The following NBAS variants were observed in gnomAD, a reference collection of about 807,000 sequenced individuals.
NBAS encodes the protein NAG/BC035112 fusion.
A neutral mutation model predicts 302.5 loss-of-function variants in NBAS; 219 were observed. The ratio of observed to expected loss-of-function variants is 0.72; its 90% CI spans 0.65 to 0.81. NBAS has a LOEUF of 0.81. Ranked by LOEUF, NBAS falls within the 30% of genes least tolerant of loss-of-function variation. The probability of loss-of-function intolerance (pLI) is 0.00; values close to 1 mark genes in which losing one functional copy is unlikely to be tolerated. For synonymous variants in NBAS, 1,118 were observed against 1,021.6 expected (o/e 1.09, Z -1.80); for missense variants, 2,932 against 2,841.6 (o/e 1.03, Z -0.72).
intron 6 of NBAS, among the ~76,000 whole-genome samples, chr2:15,549,626 A>G (rs750519440): frequency 2.0e-5 from 3 of 152,058 alleles, no homozygotes; most frequent in Non-Finnish European, 2.9e-5. Context: ...CACCTGGGAA[A>G]CGTAGATGGG....
intron 48 of NBAS, among the ~76,000 whole-genome samples, chr2:15,208,665 C>A (rs1384980350): frequency 3.9e-5 from 6 of 151,918 alleles, no homozygotes; most frequent in African/African-American, 1.5e-4. Flanking sequence ...CAAAACAAGT[C>A]TTAAAACATT....
the NBAS span, among the ~76,000 whole-genome samples, chr2:15,156,429 G>A: frequency 2.1e-4 from 32 of 152,276 alleles, no homozygotes; most frequent in African/African-American, 7.7e-4. Context: ...CAAAGTACAC[G>A]AGGCTAGGTA....
intron 28 of NBAS, among the ~76,000 whole-genome samples, chr2:15,384,430 C>T (rs866247471): frequency 1.1e-4 from 16 of 152,046 alleles, no homozygotes; most frequent in African/African-American, 3.9e-4. Flanking sequence ...AGCTAAATTA[C>T]CCATGGATTT....
the NBAS span, among the ~76,000 whole-genome samples, chr2:14,870,896 G>A: frequency 6.6e-6 from 1 of 151,642 alleles, no homozygotes; most frequent in Non-Finnish European, 1.5e-5. Context: ...ATAGAATGAT[G>A]CAATTGTTTA....
At chr2:15,079,051 A>G in the NBAS span, among the ~76,000 whole-genome samples, 1 of 152,130 alleles carries the variant, frequency 6.6e-6, no homozygotes, top group South Asian at 2.1e-4. Flanking sequence ...ATCTCCCCTC[A>G]AGTAGGAAAA....
the NBAS span, among the ~76,000 whole-genome samples, chr2:14,788,769 G>A: frequency 2.1e-3 from 316 of 151,668 alleles, 1 homozygote; most frequent in African/African-American, 6.7e-3. Context: ...TAGGCTGCTC[G>A]GGGGTCAGGG....
intron 11 of NBAS, among the ~76,000 whole-genome samples, chr2:15,498,750 G>A (rs1384509920): frequency 6.8e-6 from 1 of 148,016 alleles, no homozygotes; most frequent in Non-Finnish European, 1.5e-5. Context: ...ATTCGTGCTC[G>A]CTCTCTCTCT....
At chr2:15,398,917 A>C (rs1438665887) in intron 26 of NBAS, among the ~76,000 whole-genome samples, 3 of 152,196 alleles carry the variant, frequency 2.0e-5, no homozygotes, top group Non-Finnish European at 4.4e-5. Flanking sequence ...TTACATCAGA[A>C]ATCATTAATC....
At chr2:14,785,525 A>T in the NBAS span, among the ~76,000 whole-genome samples, 1 of 152,180 alleles carries the variant, frequency 6.6e-6, no homozygotes, top group Non-Finnish European at 1.5e-5. Context: ...AGTTTTTAGC[A>T]TGAAGGGCTG....
At chr2:15,173,961 G>A (rs1665923105) in intron 51 of NBAS, among the ~76,000 whole-genome samples, 1 of 152,152 alleles carries the variant, frequency 6.6e-6, no homozygotes, top group Non-Finnish European at 1.5e-5. Flanking sequence ...TTCATACACA[G>A]TGCCAGGCTG....
chr2:14,989,215 T>A, the NBAS span, among the ~76,000 whole-genome samples: 1 of 152,038 alleles, frequency 6.6e-6, no homozygotes, highest in Admixed American at 6.6e-5. Flanking sequence ...TGAATTGTAA[T>A]ATATCATTTT....
In NBAS at chr2:15,366,596, C is replaced by T; in HGVS notation, c.3801G>A (p.Glu1267=). Residue 1267 remains glutamate (E), a synonymous_variant, in exon 32 of 52, where the codon GAG becomes GAA. Coordinates refer to ENST00000281513, the MANE Select transcript of NBAS (RefSeq NM_015909.4). ...KQSTKLLGLA[E]LLRVAGENPE... is the part of the protein sequence containing the mutation. ...AAGACTTACCTGCAACCCTCAGCAG[C>T]TCAGCAAGGCCCAGAAGCTTGGTGG... 1.2e-6 allele frequency: 2 copies of T among 1,614,066 alleles called. No individual in the cohort carries two copies. Among genetic ancestry groups the T allele is most frequent in the Middle Eastern group, 1.6e-4 (1 of 6,062 alleles).
chr2:15,032,783 G>A, the NBAS span, among the ~76,000 whole-genome samples: 1 of 152,192 alleles, frequency 6.6e-6, no homozygotes, highest in African/African-American at 2.4e-5. Context: ...CAACTGAAAG[G>A]AAGGATCTGA....
chr2:15,186,626 A>T, intron 50 of NBAS, 116 bp downstream of exon 50: 1 of 1,451,632 alleles, frequency 6.9e-7, no homozygotes, highest in Non-Finnish European at 9.6e-7. Context: ...TATGGCCTTT[A>T]CCAGTAATTA....
At chr2:14,994,703 ATCT>A in the NBAS span, among the ~76,000 whole-genome samples, 2 of 152,106 alleles carry the variant, frequency 1.3e-5, no homozygotes, top group Admixed American at 6.5e-5. Flanking sequence ...TCCTTGTCCT[ATCT>A]TCTTTTCCCA....
intron 48 of NBAS, among the ~76,000 whole-genome samples, chr2:15,201,762 T>C (rs79765138): frequency 2.6e-4 from 40 of 152,334 alleles, no homozygotes; most frequent in Non-Finnish European, 4.6e-4. Context: ...CTCCCTTTTC[T>C]ATGGAACTAA....
intron 21 of NBAS, among the ~76,000 whole-genome samples, chr2:15,445,748 G>A (rs75421382): frequency 0.013 from 1,921 of 151,286 alleles, 29 homozygotes; most frequent in East Asian, 0.06. Flanking sequence ...TCCAATAAAA[G>A]TTACCAGGTA....
At position 15,473,256 on chromosome 2, in the gene NBAS, G is replaced by T; in HGVS notation, c.1691C>A (p.Ser564Ter). Residue 564 changes from serine (S) to a stop codon, truncating the protein, a stop_gained, in exon 16 of 52, where the codon TCA becomes TAA. Coordinates refer to ENST00000281513, the MANE Select transcript of NBAS (RefSeq NM_015909.4). LOFTEE classifies it high-confidence loss of function. ...CTGAATTGAAGCAACGTTGACCGCT[G>T]ACTTCCTCCACTGCCTCTGATATAC... ...DLVYQRQWRK[S>*]AVNVASIQNY... is the part of the protein sequence containing the mutation. The T allele has an allele frequency of 6.2e-7, 1 of 1,614,074 alleles. No individual in the cohort carries two copies. The highest frequency in any genetic ancestry group is 1.1e-5 in the South Asian group (1 of 91,072).
chr2:15,204,983 A>T (rs558628992), intron 48 of NBAS, among the ~76,000 whole-genome samples: 1 of 152,308 alleles, frequency 6.6e-6, no homozygotes, highest in African/African-American at 2.4e-5. Flanking sequence ...CATTGTGCAT[A>T]TGTATCCTAG....
Sources: gnomAD v4.1 joint callset for allele counts (sites outside exome capture counted in the v4.1 genomes callset) on GRCh38, gnomAD v4.1.1 for gene constraint, MANE v1.5 for transcripts, NCBI Gene and HGNC (gene_info 2026-07-23, HGNC 2026-07-21) for gene names.